CAMTA1: variants seen among roughly 807,000 people sequenced by gnomAD.
The protein encoded by CAMTA1 is calmodulin-binding transcription activator 1.
CAMTA1 carries 27 observed loss-of-function variants against 170.9 expected under a neutral mutation model. The ratio of observed to expected loss-of-function variants is 0.16; its 90% confidence interval spans 0.12 to 0.22. The LOEUF is 0.22. Among genes scored for constraint, CAMTA1 ranks in the 10% least tolerant of loss-of-function variants. CAMTA1 has a pLI of 1.00. For synonymous variants in CAMTA1, 833 were observed against 891.5 expected (o/e 0.93, Z 1.17); for missense variants, 1,619 against 2,217.2 (o/e 0.73, Z 5.42).
chr1:7,325,260 G>A lies in CAMTA1; in HGVS notation c.438+75634G>A, dbSNP rs992787006. On this transcript the variant is annotated intron_variant, in intron 5 of 22. Coordinates refer to ENST00000303635, the MANE Select transcript of CAMTA1 (RefSeq NM_015215.4). The surrounding 1 kb of genome is among the most constrained non-coding windows in gnomAD (Gnocchi z 5.0). Reference sequence around the variant, plus strand: ...CACGAGGAAATGATAGAAGATATCAGAAGGGGTCATGACTGGGAGAAAAAG... The same window carrying A: ...CACGAGGAAATGATAGAAGATATCAAAAGGGGTCATGACTGGGAGAAAAAG... 1.3e-5 allele frequency among the ~76,000 whole-genome samples: 2 copies of A among 152,198 alleles called. No homozygotes were observed.
rs199933328 is a variant in CAMTA1 at position 7,238,152 on chromosome 1, CTTTCT to C, written c.303-11335_303-11331del. Among the ~76,000 whole-genome samples the C allele has an allele frequency of 5.6e-3, 686 of 121,892 alleles. 10 individuals are homozygous for C. The highest frequency in any genetic ancestry group is 0.055 in the Admixed American group (571 of 10,422). The allele number at this position is 121,892 out of a possible 152,430, so 80.0% of individuals were successfully genotyped here. ...ATTCAACTTTAATATGGTCAGTCTT[CTTTCT>C]TTTTTTTTTTTTTTAAAGCAAAAAC... On this transcript the variant is annotated intron_variant, in intron 4 of 22. Transcript: ENST00000303635.
At chr1:7,148,334 C>G (rs933556301) in intron 4 of CAMTA1, among the ~76,000 whole-genome samples, 1 of 151,942 alleles carries the variant, frequency 6.6e-6, no homozygotes, top group Non-Finnish European at 1.5e-5. Flanking sequence ...ACACACACAC[C>G]ACACACTCAA....
chr1:6,864,688 G>T (rs1157486118), intron 3 of CAMTA1, among the ~76,000 whole-genome samples: 2 of 152,144 alleles, frequency 1.3e-5, no homozygotes. Flanking sequence ...GTTCCCTTGG[G>T]ACCCCAGCTT....
chr1:7,075,256 A>G (rs1209542254), intron 3 of CAMTA1, among the ~76,000 whole-genome samples: 1 of 152,214 alleles, frequency 6.6e-6, no homozygotes, highest in Admixed American at 6.5e-5. Context: ...TGCCAAAGCT[A>G]TGTCCTTAGC....
At chr1:7,591,679 C>T (rs1020570523) in intron 6 of CAMTA1, among the ~76,000 whole-genome samples, 2 of 152,220 alleles carry the variant, frequency 1.3e-5, no homozygotes, top group African/African-American at 4.8e-5. Flanking sequence ...AGTTACCACT[C>T]TGGCCAGAAT....
At chr1:7,638,276 C>T (rs995921098) in intron 6 of CAMTA1, among the ~76,000 whole-genome samples, 6 of 152,118 alleles carry the variant, frequency 3.9e-5, no homozygotes, top group Non-Finnish European at 8.8e-5. Flanking sequence ...ATGAGGCCTC[C>T]CACGTGGCTT....
chr1:7,585,751 G>C lies in CAMTA1; in HGVS notation c.511-54649G>C, dbSNP rs958273070. On this transcript the variant is annotated intron_variant, in intron 6 of 22. Transcript: ENST00000303635. The surrounding 1 kb of genome is among the most constrained non-coding windows in gnomAD (Gnocchi z 4.8). ...CCCAGTTCATACATCCTAGAGGGGGGCTCTCTTGTGGACAGACAGGCCAGA... is the reference window on the plus strand; with the variant it reads ...CCCAGTTCATACATCCTAGAGGGGGCCTCTCTTGTGGACAGACAGGCCAGA... Among the ~76,000 whole-genome samples the C allele has an allele frequency of 2.7e-5, 4 of 150,918 alleles. No homozygotes were observed. The highest frequency in any genetic ancestry group is 9.9e-5 in the African/African-American group (4 of 40,302).
At chr1:7,623,217 C>A (rs77863370) in intron 6 of CAMTA1, among the ~76,000 whole-genome samples, 2 of 152,152 alleles carry the variant, frequency 1.3e-5, no homozygotes, top group Non-Finnish European at 1.5e-5. Flanking sequence ...CAGTAGACCC[C>A]AAATGTAGGC....
At chr1:7,620,021 T>C (rs528185818) in intron 6 of CAMTA1, among the ~76,000 whole-genome samples, 1 of 152,172 alleles carries the variant, frequency 6.6e-6, no homozygotes, top group Non-Finnish European at 1.5e-5. Flanking sequence ...AACAAGAAAA[T>C]GGGCCCTCCC....
At chr1:7,020,272 A>G (rs993737877) in intron 3 of CAMTA1, among the ~76,000 whole-genome samples, 14 of 152,192 alleles carry the variant, frequency 9.2e-5, no homozygotes, top group African/African-American at 2.9e-4. Context: ...TGCTAACGCT[A>G]TATTTTTACT....
At chr1:7,075,403 G>A (rs1026008053) in intron 3 of CAMTA1, among the ~76,000 whole-genome samples, 3 of 152,232 alleles carry the variant, frequency 2.0e-5, no homozygotes, top group South Asian at 2.1e-4. Flanking sequence ...ACTCCACTCC[G>A]TTCCATTTGA....
At chr1:7,703,867 G>A (rs569646848) in intron 11 of CAMTA1, among the ~76,000 whole-genome samples, 9 of 152,088 alleles carry the variant, frequency 5.9e-5, no homozygotes, top group African/African-American at 1.9e-4. Context: ...ATTTGTGGCC[G>A]GGGCGAGAGA....
rs147602891 is a variant in CAMTA1 at position 6,973,364 on chromosome 1, G to T, written c.235-117940G>T. Among the ~76,000 whole-genome samples the T allele has an allele frequency of 6.6e-5, 10 of 152,266 alleles. No homozygotes were observed. In the East Asian group the frequency reaches 1.9e-3, roughly 29 times the overall value. ...CCATTTTTGATACCTCACATAAGGA[G>T]AATCATGCAGCATTTGTCCTTCTGT... On this transcript the variant is annotated intron_variant, in intron 3 of 22. Coordinates refer to ENST00000303635, the MANE Select transcript of CAMTA1 (RefSeq NM_015215.4).
At chr1:7,009,775 C>T (rs1572406689) in intron 3 of CAMTA1, among the ~76,000 whole-genome samples, 1 of 152,232 alleles carries the variant, frequency 6.6e-6, no homozygotes, top group East Asian at 1.9e-4. Context: ...GCAGCTTGGA[C>T]ATGGGGAGCT....
At chr1:7,494,398 G>T (rs2093791683) in intron 6 of CAMTA1, among the ~76,000 whole-genome samples, 1 of 152,238 alleles carries the variant, frequency 6.6e-6, no homozygotes, top group South Asian at 2.1e-4. Flanking sequence ...TGAGCTGCAG[G>T]CATCTGCCAG....
At chr1:6,839,564 A>G (rs1418488897) in intron 3 of CAMTA1, among the ~76,000 whole-genome samples, 2 of 152,192 alleles carry the variant, frequency 1.3e-5, no homozygotes, top group Non-Finnish European at 2.9e-5. Context: ...AAACAATACA[A>G]AAGTAAACAA....
At chr1:6,803,006 C>T (rs1644063661) in intron 1 of CAMTA1, among the ~76,000 whole-genome samples, 1 of 152,236 alleles carries the variant, frequency 6.6e-6, no homozygotes, top group South Asian at 2.1e-4. Flanking sequence ...GCCTCAGTCT[C>T]TCAAAGGGCT....
intron 3 of CAMTA1, among the ~76,000 whole-genome samples, chr1:6,902,064 CACACACACAAAA>C (rs1372879286): frequency 1.3e-4 from 13 of 99,182 alleles, no homozygotes; most frequent in Non-Finnish European, 2.2e-4. Flanking sequence ...CACACACACA[CACACACACAAAA>C]AAAAAAATAA....
Position 7,041,379 on chromosome 1 carries a change from A to AAC in CAMTA1, c.235-49913_235-49912dup, listed in dbSNP as rs200204990. ...AGGGCTGGGGAAGCTCACTGTTTGA[A>AAC]ACACACACACACAACAGAACATAAA... On this transcript the variant is annotated intron_variant, in intron 3 of 22. Transcript: ENST00000303635. The surrounding 1 kb of genome is among the most constrained non-coding windows in gnomAD (Gnocchi z 5.1). Among the ~76,000 whole-genome samples, 2 of 152,112 alleles carry AAC rather than the reference A, an allele frequency of 1.3e-5. No individual in the cohort carries two copies. The highest frequency in any genetic ancestry group is 2.4e-5 in the African/African-American group (1 of 41,414).
Sources: allele counts gnomAD v4.1 joint callset (sites outside exome capture counted in the v4.1 genomes callset), GRCh38; gene constraint gnomAD v4.1.1; non-coding constraint Gnocchi (gnomAD v3.1); transcripts MANE v1.5; gene names NCBI Gene and HGNC (gene_info 2026-07-23, HGNC 2026-07-21).